The following SH3TC1 variants were observed in gnomAD, a reference collection of about 807,000 sequenced individuals.
The protein encoded by SH3TC1 is SH3 domain and tetratricopeptide repeats 1, also known as SH3 domain and tetratricopeptide repeat-containing protein 1.
SH3TC1 carries 135 observed loss-of-function variants against 117.3 expected under a neutral mutation model. The observed-to-expected ratio is 1.15, with a 90% CI of 1.00 to 1.33. SH3TC1 has a LOEUF of 1.33. Among genes scored for constraint, SH3TC1 ranks in the 40% most tolerant of loss-of-function variants. The probability of loss-of-function intolerance (pLI) is 0.00; values close to 1 mark genes in which losing one functional copy is unlikely to be tolerated. For synonymous variants in SH3TC1, 898 were observed against 816.9 expected, an observed-to-expected ratio of 1.10 and a Z score of -1.69; for missense variants, 2,092 against 1,794.3, an observed-to-expected ratio of 1.17 and a Z score of -3.00.
At chr4:8,236,124 G>A (rs1378083469) in intron 15 of SH3TC1, 154 bp from the exon 16 acceptor site, 1 of 996,778 alleles carries the variant, frequency 1.0e-6, no homozygotes. Context: ...TAGCTTGGGT[G>A]TCTGAACCGC....
intron 1 of SH3TC1, among the ~76,000 whole-genome samples, chr4:8,193,469 G>A (rs115042516): frequency 0.02 from 2,968 of 152,066 alleles, 53 homozygotes; most frequent in South Asian, 0.11. Context: ...AACCCTTTAC[G>A]CCCCTGCTTT....
At chr4:8,223,045 A>G (rs1460790069) in intron 10 of SH3TC1, 75 bp downstream of exon 10, 3 of 1,535,516 alleles carry the variant, frequency 2.0e-6, no homozygotes, top group Admixed American at 3.8e-5. Flanking sequence ...GCCCTCGTCC[A>G]TCCACAGATA....
In SH3TC1 at chr4:8,186,961, A is replaced by T. The variant is rs1350022625; in HGVS notation, c.-57+4751A>T. Among the ~76,000 whole-genome samples, 2 of 148,778 alleles carry T rather than the reference A, an allele frequency of 1.3e-5. No homozygotes were observed. The highest frequency in any genetic ancestry group is 6.6e-5 in the Admixed American group (1 of 15,052). On this transcript the variant is annotated intron_variant, in intron 1 of 16. Coordinates refer to the SH3TC1 transcript ENST00000508641. This position sits in a 1 kb window ranked among gnomAD's most constrained non-coding sequence, Gnocchi z 5.2. ...TACGTCTCAAAAAAAAAAAAAAAAAAGGACATGCTCCTGTAGGCACATTGC... is the reference window on the plus strand; with the variant it reads ...TACGTCTCAAAAAAAAAAAAAAAAATGGACATGCTCCTGTAGGCACATTGC...
In SH3TC1 at chr4:8,183,129, T is replaced by C. The variant is rs556272964; in HGVS notation, c.-57+919T>C. On this transcript the variant is annotated intron_variant, in intron 1 of 16. Transcript: ENST00000508641. The surrounding 1 kb of genome is among the most constrained non-coding windows in gnomAD (Gnocchi z 5.4). ...TCAGTTTCTCAGCATGCCATCCGCC[T>C]GGCGACCTTGCCTCCCTCTCCCGCT... 2.6e-5 allele frequency among the ~76,000 whole-genome samples: 4 copies of C among 152,252 alleles called. No individual in the cohort carries two copies. The East Asian group carries it at 7.7e-4, about 29-fold the overall frequency.
intron 8 of SH3TC1, among the ~76,000 whole-genome samples, chr4:8,218,872 G>A (rs1319684487): frequency 6.6e-6 from 1 of 152,176 alleles, no homozygotes; most frequent in East Asian, 1.9e-4. Context: ...TGTGCTCTGT[G>A]GCAAGCTGCC....
chr4:8,230,904 T>C (rs1281095), intron 12 of SH3TC1, among the ~76,000 whole-genome samples: 87,694 of 151,584 alleles, frequency 0.58, 25,623 homozygotes, highest in East Asian at 0.71. Flanking sequence ...CTCGGCCTCC[T>C]GAGTAGCTGG....
chr4:8,232,519 C>A (rs148923318), intron 13 of SH3TC1: 4 of 1,385,740 alleles, frequency 2.9e-6, no homozygotes, highest in Non-Finnish European at 3.8e-6. Context: ...CTGGCCTTCA[C>A]CTGTCCCCTT....
intron 4 of SH3TC1, chr4:8,213,256 C>A: frequency 6.0e-6 from 1 of 165,542 alleles, no homozygotes; most frequent in South Asian, 1.6e-4. Flanking sequence ...TGTGTCTTGA[C>A]CTGGCAGACC....
At chr4:8,201,548 G>T (rs1717844761) in intron 1 of SH3TC1, 1 of 152,548 alleles carries the variant, frequency 6.6e-6, no homozygotes, top group Admixed American at 6.5e-5. Context: ...CCCCAGCTGG[G>T]TGAGCTGGCC....
chr4:8,234,144 TCATCCATC>T (rs750465409), intron 14 of SH3TC1, among the ~76,000 whole-genome samples: 7 of 147,850 alleles, frequency 4.7e-5, no homozygotes. Flanking sequence ...ATTTATCCAT[TCATCCATC>T]CATCCATCCT....
upstream of SH3TC1, among the ~76,000 whole-genome samples, chr4:8,197,910 A>T (rs1717614457): frequency 1.3e-5 from 2 of 152,142 alleles, no homozygotes; most frequent in Non-Finnish European, 2.9e-5. Context: ...AGGATGAAGG[A>T]CGCAGGTGTG....
At chr4:8,218,481 T>G in intron 8 of SH3TC1, 134 bp downstream of exon 8, 3 of 594,156 alleles carry the variant, frequency 5.0e-6, no homozygotes, top group Non-Finnish European at 8.5e-6. Context: ...GTAATTGTGG[T>G]TTTTGTTATT....
rs376330323 is a variant in SH3TC1 at position 8,218,317 on chromosome 4, G to C, written c.886G>C (p.Gly296Arg). ...PQDPIDDAMG[G>R]PVMPGNPLMA... is the part of the protein sequence containing the mutation. ...GGACCCCATCGACGATGCCATGGGT[G>C]GCCCTGTGATGCCCGGCAACCCGCT... is the stretch of plus-strand genomic sequence containing the variant. The change falls in exon 8 of 18, where the codon GGC becomes CGC. Residue 296 changes from glycine to arginine, a missense_variant. Gly to Arg is a moderately radical substitution (Grantham distance 125, BLOSUM62 -2). Transcript: ENST00000245105. 6 of 1,611,664 alleles carry C rather than the reference G, an allele frequency of 3.7e-6. No individual in the cohort carries two copies. The highest frequency in any genetic ancestry group is 4.2e-6 in the Non-Finnish European group (5 of 1,178,204).
chr4:8,193,188 C>G (rs896220490), intron 1 of SH3TC1, among the ~76,000 whole-genome samples: 2 of 152,242 alleles, frequency 1.3e-5, no homozygotes, highest in African/African-American at 4.8e-5. Flanking sequence ...TCTAGAACGA[C>G]CTTGGAGGCT....
intron 13 of SH3TC1, chr4:8,232,436 C>A (rs746100056): frequency 3.3e-6 from 5 of 1,531,864 alleles, no homozygotes; most frequent in Non-Finnish European, 2.6e-6. Flanking sequence ...GAAGCAGTTA[C>A]ATGCATTCTG....
chr4:8,219,726 C>T (rs114602767), intron 9 of SH3TC1, among the ~76,000 whole-genome samples, 196 bp downstream of exon 9: 1,875 of 152,306 alleles, frequency 0.012, 35 homozygotes, highest in South Asian at 0.05. Context: ...GTCCTTTCTC[C>T]GGGCTGCTGC....
At chr4:8,201,126 G>A (rs1441432870) in intron 1 of SH3TC1, among the ~76,000 whole-genome samples, 1 of 152,188 alleles carries the variant, frequency 6.6e-6, no homozygotes, top group Admixed American at 6.5e-5. Flanking sequence ...GGCCCTAGAA[G>A]TATTTGTTCC....
chr4:8,226,940 G>C, intron 11 of SH3TC1, 40 bp from the exon 12 acceptor site: 1 of 1,467,914 alleles, frequency 6.8e-7, no homozygotes, highest in South Asian at 1.4e-5. Context: ...AGGACTCACT[G>C]CTGGACTCTA....
rs962875150 is a variant in SH3TC1 at position 8,190,915 on chromosome 4, T to C, written c.-57+8705T>C. On this transcript the variant is annotated intron_variant, in intron 1 of 16. Transcript: ENST00000508641. The surrounding 1 kb of genome is among the most constrained non-coding windows in gnomAD (Gnocchi z 4.7). ...CCTCGGCCTCCTAAAGTGCTAGGAT[T>C]ACAGGCGTAATCCACTGCGCCCAGC... Among the ~76,000 whole-genome samples the C allele has an allele frequency of 6.7e-6, 1 of 149,734 alleles. No individual in the cohort carries two copies. The highest frequency in any genetic ancestry group is 1.5e-5 in the Non-Finnish European group (1 of 66,768).
Sources: allele counts gnomAD v4.1 joint callset (sites outside exome capture counted in the v4.1 genomes callset), GRCh38; gene constraint gnomAD v4.1.1; non-coding constraint Gnocchi (gnomAD v3.1); transcripts MANE v1.5; gene names NCBI Gene and HGNC (gene_info 2026-07-23, HGNC 2026-07-21).